The following BCAS3 variants were observed in gnomAD, a reference collection of about 807,000 sequenced individuals.
The protein encoded by BCAS3 is BCAS3 microtubule associated cell migration factor.
Under a neutral mutation model 116.1 loss-of-function variants are expected in BCAS3, and 53 were observed. The observed-to-expected ratio is 0.46, with a 90% CI of 0.37 to 0.57. The LOEUF is 0.57. Ranked by LOEUF, BCAS3 falls within the 20% of genes least tolerant of loss-of-function variation. The pLI, the probability that BCAS3 is intolerant of heterozygous loss-of-function variation, is 0.00. For synonymous variants in BCAS3, 391 were observed against 408.2 expected, an observed-to-expected ratio of 0.96 and a Z score of 0.51; for missense variants, 917 against 1,165.4, an observed-to-expected ratio of 0.79 and a Z score of 3.10.
At chr17:60,761,192 A>G (rs1182339323) in intron 6 of BCAS3, among the ~76,000 whole-genome samples, 1 of 151,724 alleles carries the variant, frequency 6.6e-6, no homozygotes, top group African/African-American at 2.4e-5. Context: ...AGTATTTTGA[A>G]TTATTTCTCT....
intron 7 of BCAS3, among the ~76,000 whole-genome samples, chr17:60,818,264 C>T (rs2049616525): frequency 1.3e-5 from 2 of 152,050 alleles, no homozygotes; most frequent in Admixed American, 1.3e-4. Context: ...ATTTTCCTCT[C>T]ATTATTACAA....
intron 13 of BCAS3, among the ~76,000 whole-genome samples, chr17:60,927,045 A>G (rs933170925): frequency 3.3e-5 from 5 of 152,182 alleles, no homozygotes; most frequent in Admixed American, 6.5e-5. Flanking sequence ...CAAAGAGATC[A>G]GATGTCATTA....
intron 7 of BCAS3, among the ~76,000 whole-genome samples, chr17:60,813,650 G>A (rs944656303): frequency 6.6e-6 from 1 of 152,172 alleles, no homozygotes; most frequent in Admixed American, 6.5e-5. Flanking sequence ...CTCTTTTGCT[G>A]TGCAGAAGCT....
chr17:60,978,579 T>C (rs1568019939), intron 14 of BCAS3, among the ~76,000 whole-genome samples: 1 of 151,692 alleles, frequency 6.6e-6, no homozygotes, highest in Non-Finnish European at 1.5e-5. Flanking sequence ...TCCTTGCCCA[T>C]GCCTATGTCC....
intron 22 of BCAS3, among the ~76,000 whole-genome samples, chr17:61,272,885 AC>A (rs1327418341): frequency 6.6e-6 from 1 of 151,676 alleles, no homozygotes; most frequent in Non-Finnish European, 1.5e-5. Context: ...CTTCACTGTC[AC>A]GCTGGGGAGT....
In BCAS3 at chr17:60,742,880, G is replaced by A. The variant is rs574324417; in HGVS notation, c.322-4318G>A. ...TGTAATCCCAGCACTTTGGGAGGCCGAGGTGGGCAGATCATGAGGTCAGGA... is the reference window on the plus strand; with the variant it reads ...TGTAATCCCAGCACTTTGGGAGGCCAAGGTGGGCAGATCATGAGGTCAGGA... On this transcript the variant is annotated intron_variant, in intron 5 of 23. Coordinates refer to ENST00000407086, the MANE Select transcript of BCAS3 (RefSeq NM_017679.5). 8.5e-3 allele frequency among the ~76,000 whole-genome samples: 1,281 copies of A among 151,476 alleles called. 16 individuals carry two copies. Among genetic ancestry groups the A allele is most frequent in the African/African-American group, 0.029 (1,186 of 41,278 alleles).
At chr17:60,754,862 A>AAACG (rs2042854002) in intron 6 of BCAS3, among the ~76,000 whole-genome samples, 2 of 151,760 alleles carry the variant, frequency 1.3e-5, no homozygotes, top group East Asian at 3.9e-4. Context: ...TTAAATGGCT[A>AAACG]AACTATGAGA....
intron 15 of BCAS3, among the ~76,000 whole-genome samples, chr17:60,992,364 T>C (rs2145440657): frequency 6.6e-6 from 1 of 152,330 alleles, no homozygotes; most frequent in East Asian, 1.9e-4. Flanking sequence ...TTATTTTTAA[T>C]GAGAATGATT....
Position 61,151,299 on chromosome 17 carries a change from A to AAAAATTC in BCAS3, c.2425+66746_2425+66752dup, listed in dbSNP as rs1350338806. On this transcript the variant is annotated intron_variant, in intron 22 of 23. Coordinates refer to ENST00000407086, the MANE Select transcript of BCAS3 (RefSeq NM_017679.5). The surrounding 1 kb of genome is among the most constrained non-coding windows in gnomAD (Gnocchi z 4.8). ...ATAATGCAAATATTCTAAGATCTGAAAAAATTCAAAATTCAAAGCACTCCT... is the reference window on the plus strand; with the variant it reads ...ATAATGCAAATATTCTAAGATCTGAAAAAATTCAAAATTCAAAATTCAAAGCACTCCT... Among the ~76,000 whole-genome samples, 3 of 152,160 alleles carry AAAAATTC rather than the reference A, an allele frequency of 2.0e-5. No individual in the cohort carries two copies. The highest frequency in any genetic ancestry group is 2.9e-5 in the Non-Finnish European group (2 of 68,034).
chr17:60,823,552 A>T (rs1270775100), intron 7 of BCAS3, among the ~76,000 whole-genome samples: 2 of 152,142 alleles, frequency 1.3e-5, no homozygotes, highest in African/African-American at 4.8e-5. Context: ...TAACAGAGTG[A>T]GACTCTGTCT....
At chr17:61,103,784 TAAGG>T (rs1171215399) in intron 22 of BCAS3, among the ~76,000 whole-genome samples, 2 of 152,226 alleles carry the variant, frequency 1.3e-5, no homozygotes, top group Non-Finnish European at 2.9e-5. Context: ...TTCATCTCTA[TAAGG>T]AAAAGGCTCT....
At chr17:61,062,452 A>T (rs1392974075) in intron 19 of BCAS3, among the ~76,000 whole-genome samples, 1 of 152,212 alleles carries the variant, frequency 6.6e-6, no homozygotes, top group African/African-American at 2.4e-5. Context: ...TAGTTATGAT[A>T]CAATTCTTTA....
At position 61,307,951 on chromosome 17, in the gene BCAS3, T is replaced by G. The variant is rs915539729; in HGVS notation, c.2426-60376T>G. Among the ~76,000 whole-genome samples the G allele has an allele frequency of 6.6e-6, 1 of 152,204 alleles. No individual in the cohort carries two copies. The highest frequency in any genetic ancestry group is 1.5e-5 in the Non-Finnish European group (1 of 68,038). Reference sequence around the variant, plus strand: ...TTGACAATGTGGAGACTCAAGATTTTCCAAGCACTCATTAAATTGAGCAGA... The same window carrying G: ...TTGACAATGTGGAGACTCAAGATTTGCCAAGCACTCATTAAATTGAGCAGA... On this transcript the variant is annotated intron_variant, in intron 22 of 23. Coordinates refer to ENST00000407086, the MANE Select transcript of BCAS3 (RefSeq NM_017679.5). The surrounding 1 kb of genome is among the most constrained non-coding windows in gnomAD (Gnocchi z 4.7).
Position 61,186,762 on chromosome 17 carries a change from G to A in BCAS3, c.2425+102198G>A, listed in dbSNP as rs1185468156. Among the ~76,000 whole-genome samples the A allele has an allele frequency of 6.6e-6, 1 of 151,776 alleles. No individual in the cohort carries two copies. Among genetic ancestry groups the A allele is most frequent in the Non-Finnish European group, 1.5e-5 (1 of 67,970 alleles). The stretch of plus-strand genomic sequence containing the variant: ...GTCTCGCTCTGTCGCCCAGGTTGGA[G>A]TGCAGTGGCACGATCTCAGCTTACT... On this transcript the variant is annotated intron_variant, in intron 22 of 23. Transcript: ENST00000407086. The surrounding 1 kb of genome is among the most constrained non-coding windows in gnomAD (Gnocchi z 4.9).
rs569162382 is a variant in BCAS3, at chr17:60,727,058, T to A, written c.321+17733T>A. The A allele has an allele frequency of 5.8e-5, 15 of 260,192 alleles. 1 individual carries two copies. The highest frequency in any genetic ancestry group is 2.0e-4 in the African/African-American group (9 of 44,806). The allele number at this position is 260,192 out of a possible 1,614,324, so 16.1% of individuals were successfully genotyped here. Reference sequence around the variant, plus strand: ...TTAAAAAACAGACTTTAAAAAAAAATTATTTATTTATTTTTTAAACATATC... The same window carrying A: ...TTAAAAAACAGACTTTAAAAAAAAAATATTTATTTATTTTTTAAACATATC... On this transcript the variant is annotated intron_variant, in intron 5 of 23. Transcript: ENST00000407086.
At position 61,224,451 on chromosome 17, in the gene BCAS3, C is replaced by T. The variant is rs1207038628; in HGVS notation, c.2425+139887C>T. Among the ~76,000 whole-genome samples the T allele has an allele frequency of 1.3e-5, 2 of 152,136 alleles. No individual in the cohort carries two copies. The highest frequency in any genetic ancestry group is 2.9e-5 in the Non-Finnish European group (2 of 68,028). On this transcript the variant is annotated intron_variant, in intron 22 of 23. Transcript: ENST00000407086. The surrounding 1 kb of genome is among the most constrained non-coding windows in gnomAD (Gnocchi z 5.7). ...CATCCCAGGCAGGGAGAACAGTGCT[C>T]GGAAAACAGGGTGTACATATGGGGA... is the stretch of plus-strand genomic sequence containing the variant.
intron 16 of BCAS3, among the ~76,000 whole-genome samples, chr17:61,018,295 T>G (rs2065614255): frequency 8.5e-6 from 1 of 117,826 alleles, no homozygotes. Flanking sequence ...CCCCAGTTTT[T>G]TTTTTTTTTT....
In BCAS3 at chr17:60,990,453, T is replaced by C. The variant is rs948288665; in HGVS notation, c.1486+218T>C. Among the ~76,000 whole-genome samples, 6 of 152,194 alleles carry C rather than the reference T, an allele frequency of 3.9e-5. No homozygotes were observed. The highest frequency in any genetic ancestry group is 3.9e-4 in the Admixed American group (6 of 15,270). ...TATTTTAACTCCCTGTTTCAATATATAAGGGATATTTGGTATCATATTTAT... is the reference window on the plus strand; with the variant it reads ...TATTTTAACTCCCTGTTTCAATATACAAGGGATATTTGGTATCATATTTAT... On this transcript the variant is annotated intron_variant, in intron 15 of 23. Coordinates refer to ENST00000407086, the MANE Select transcript of BCAS3 (RefSeq NM_017679.5). The surrounding 1 kb of genome is among the most constrained non-coding windows in gnomAD (Gnocchi z 5.1).
chr17:61,121,492 T>C (rs2143809711), intron 22 of BCAS3, among the ~76,000 whole-genome samples: 1 of 152,334 alleles, frequency 6.6e-6, no homozygotes, highest in Admixed American at 6.5e-5. Flanking sequence ...CTTTGCATTT[T>C]AATGAACTTA....
Sources: gnomAD v4.1 joint callset for allele counts (sites outside exome capture counted in the v4.1 genomes callset) on GRCh38, gnomAD v4.1.1 for gene constraint, Gnocchi (gnomAD v3.1) non-coding constraint, MANE v1.5 for transcripts, NCBI Gene and HGNC (gene_info 2026-07-23, HGNC 2026-07-21) for gene names.